Variants in FOXO3 observed in about 807,000 individuals in gnomAD.
The protein encoded by FOXO3 is forkhead box O3.
Under a neutral mutation model 41.9 loss-of-function variants are expected in FOXO3, and 4 were observed. The ratio of observed to expected loss-of-function variants is 0.10; its 90% CI spans 0.05 to 0.22. The LOEUF (loss-of-function observed/expected upper bound fraction) is 0.22, where lower values mean the gene tolerates loss of function less well. Ranked by LOEUF, FOXO3 falls within the 10% of genes least tolerant of loss-of-function variation. The pLI, the probability that FOXO3 is intolerant of heterozygous loss-of-function variation, is 1.00. For missense variants in FOXO3, 534 were observed against 906.8 expected, an observed-to-expected ratio of 0.59 and a Z score of 5.28; for synonymous variants, 318 against 389.3, an observed-to-expected ratio of 0.82 and a Z score of 2.16.
chr6:108,646,253 T>G (rs1484719575), intron 1 of FOXO3, among the ~76,000 whole-genome samples: 1 of 152,214 alleles, frequency 6.6e-6, no homozygotes, highest in African/African-American at 2.4e-5. Context: ...TTTTCAAAGC[T>G]AAGTCACATA....
upstream of FOXO3, chr6:108,560,764 GCGCGGCCGCCCCTCC>G: frequency 3.7e-6 from 1 of 273,278 alleles, no homozygotes; most frequent in South Asian, 1.6e-4. Context: ...CGCTTTAAAG[GCGCGGCCGCCCCTCC>G]CCCGGGCGCC....
intron 1 of FOXO3, among the ~76,000 whole-genome samples, chr6:108,658,249 A>G (rs1778745773): frequency 6.6e-6 from 1 of 152,104 alleles, no homozygotes; most frequent in African/African-American, 2.4e-5. Flanking sequence ...CTACCTTCAG[A>G]TTATGGATTT....
chr6:108,562,485 A>G (rs1479619464), intron 1 of FOXO3, among the ~76,000 whole-genome samples: 1 of 152,026 alleles, frequency 6.6e-6, no homozygotes, highest in East Asian at 1.9e-4. Flanking sequence ...GCTTCTGACT[A>G]GCTGCTTCTG....
chr6:108,589,262 G>A (rs1776667633), intron 1 of FOXO3, among the ~76,000 whole-genome samples: 1 of 152,136 alleles, frequency 6.6e-6, no homozygotes, highest in Admixed American at 6.5e-5. Context: ...ATTTTTCCTG[G>A]GCACACGCAG....
intron 1 of FOXO3, among the ~76,000 whole-genome samples, chr6:108,650,021 C>T (rs180924064): frequency 2.6e-5 from 4 of 152,238 alleles, no homozygotes; most frequent in African/African-American, 9.6e-5. Context: ...GCCCACACAT[C>T]GTTCCCATTA....
chr6:108,578,666 CT>C lies in FOXO3; in HGVS notation c.621+16841del, dbSNP rs558975372. Among the ~76,000 whole-genome samples, 9 of 152,154 alleles carry C rather than the reference CT, an allele frequency of 5.9e-5. No homozygotes were observed. The South Asian group carries it at 1.7e-3, about 28-fold the overall frequency. On this transcript the variant is annotated intron_variant, in intron 1 of 2. Transcript: ENST00000406360. ...ATCTTTTTCTCTTGTTTGTTTTGGT[CT>C]TTTGAGGACATTCCTAGTTTTAAAA...
At chr6:108,564,907 A>C (rs719808) in intron 1 of FOXO3, among the ~76,000 whole-genome samples, 2,433 of 152,136 alleles carry the variant, frequency 0.016, 65 homozygotes, top group African/African-American at 0.056. Context: ...AAAGCTAATG[A>C]CTTTCTTAAG....
chr6:108,581,788 A>G (rs1277950409), intron 1 of FOXO3, among the ~76,000 whole-genome samples: 1 of 152,198 alleles, frequency 6.6e-6, no homozygotes, highest in East Asian at 1.9e-4. Context: ...CAAAGTCTTC[A>G]GTGTTTGATG....
chr6:108,630,468 A>G (rs1777935347), intron 1 of FOXO3, among the ~76,000 whole-genome samples: 1 of 152,174 alleles, frequency 6.6e-6, no homozygotes, highest in Non-Finnish European at 1.5e-5. Context: ...GAATTTGAAC[A>G]TTTGAGGTGG....
At chr6:108,650,786 G>C (rs1040701784) in intron 1 of FOXO3, among the ~76,000 whole-genome samples, 1 of 152,132 alleles carries the variant, frequency 6.6e-6, no homozygotes, top group Non-Finnish European at 1.5e-5. Context: ...TGCAATCAGT[G>C]CCTAGTTCTT....
chr6:108,655,355 CACCTT>C (rs1188761058), intron 1 of FOXO3, among the ~76,000 whole-genome samples: 1 of 152,212 alleles, frequency 6.6e-6, no homozygotes, highest in Non-Finnish European at 1.5e-5. Context: ...TCCCAGTTCT[CACCTT>C]TATCTTCTCA....
chr6:108,565,576 G>T (rs1036049605), intron 1 of FOXO3, among the ~76,000 whole-genome samples: 1 of 152,212 alleles, frequency 6.6e-6, no homozygotes, highest in Non-Finnish European at 1.5e-5. Context: ...AAATTAGGCA[G>T]ACTTGAGTTT....
At chr6:108,594,338 A>G (rs1389935240) in intron 1 of FOXO3, among the ~76,000 whole-genome samples, 2 of 152,236 alleles carry the variant, frequency 1.3e-5, no homozygotes, top group Non-Finnish European at 2.9e-5. Flanking sequence ...GAGTTGTAGA[A>G]TAAAAGGTTG....
chr6:108,610,395 A>G (rs1777326843), intron 1 of FOXO3, among the ~76,000 whole-genome samples: 1 of 152,180 alleles, frequency 6.6e-6, no homozygotes, highest in African/African-American at 2.4e-5. Flanking sequence ...AATAGAATTA[A>G]AAGGAGAGGA....
intron 1 of FOXO3, among the ~76,000 whole-genome samples, chr6:108,594,661 C>A (rs1299988624): frequency 6.6e-6 from 1 of 152,206 alleles, no homozygotes; most frequent in Non-Finnish European, 1.5e-5. Context: ...CTCAGGTCTG[C>A]CTTGCAGGGA....
chr6:108,664,122 T>G lies in FOXO3; in HGVS notation c.1289T>G (p.Phe430Cys), dbSNP rs1360473939. The G allele has an allele frequency of 3.1e-6, 5 of 1,614,004 alleles. No homozygotes were observed. The highest frequency in any genetic ancestry group is 4.2e-6 in the Non-Finnish European group (5 of 1,180,036). Reference sequence around the variant, plus strand: ...GGCCTGGGCTCCCCAACCAGCTCCTTTAACAGCACGGTGTTCGGACCTTCA... The same window carrying G: ...GGCCTGGGCTCCCCAACCAGCTCCTGTAACAGCACGGTGTTCGGACCTTCA... ...GSGLGSPTSSFNSTVFGPSSL... is the reference protein window; with the variant it reads ...GSGLGSPTSSCNSTVFGPSSL... Residue 430 changes from phenylalanine (F) to cysteine (C), a missense_variant, in exon 2 of 3, where the codon TTT becomes TGT. By Grantham distance (205) the Phe-to-Cys change is radical. Coordinates refer to ENST00000406360, the MANE Select transcript of FOXO3 (RefSeq NM_001455.4).
chr6:108,632,489 T>C (rs1777999421), intron 1 of FOXO3, among the ~76,000 whole-genome samples: 1 of 152,232 alleles, frequency 6.6e-6, no homozygotes, highest in South Asian at 2.1e-4. Context: ...TAATTTCTCT[T>C]TCTCCCCTAA....
In FOXO3 at chr6:108,664,017, C is replaced by T. The variant is rs777569942; in HGVS notation, c.1184C>T (p.Thr395Met). 3.7e-5 allele frequency: 60 copies of T among 1,614,030 alleles called. No individual in the cohort carries two copies. Among genetic ancestry groups the T allele is most frequent in the South Asian group, 1.4e-4 (13 of 91,080 alleles). Residue 395 changes from threonine (T) to methionine (M), a missense_variant, in exon 2 of 3, where the codon ACG (threonine) becomes ATG (methionine). By Grantham distance (81) the Thr-to-Met change is moderately conservative. This residue lies in a region of FOXO3 where 185 missense variants were observed against 224.9 expected (regional missense o/e 0.82). Transcript: ENST00000406360. ...ATGGACGACCTGCTGGATAACATCA[C>T]GCTCCCGCCATCCCAGCCATCGCCC... ...NLMDDLLDNI[T>M]LPPSQPSPTG...
At chr6:108,628,244 T>C (rs1433649891) in intron 1 of FOXO3, among the ~76,000 whole-genome samples, 4 of 152,200 alleles carry the variant, frequency 2.6e-5, no homozygotes, top group Admixed American at 1.3e-4. Flanking sequence ...ATTTTAGCCA[T>C]CGATTTTTGC....
Sources: gnomAD v4.1 joint callset for allele counts (sites outside exome capture counted in the v4.1 genomes callset) on GRCh38, gnomAD v4.1.1 for gene constraint, gnomAD v4.1.1 regional missense constraint, MANE v1.5 for transcripts, NCBI Gene and HGNC (gene_info 2026-07-23, HGNC 2026-07-21) for gene names.